Variants in DIAPH3 observed in about 807,000 individuals in gnomAD.
DIAPH3 encodes the protein diaphanous related formin 3, also known as protein diaphanous homolog 3.
A neutral mutation model predicts 144.3 loss-of-function variants in DIAPH3; 117 were observed. The ratio of observed to expected loss-of-function variants is 0.81; its 90% CI spans 0.70 to 0.95. The LOEUF (loss-of-function observed/expected upper bound fraction) is 0.95, where lower values mean the gene tolerates loss of function less well. DIAPH3 is among the 40% of genes least tolerant of loss of function. The pLI, the probability that DIAPH3 is intolerant of heterozygous loss-of-function variation, is 0.00. For missense variants in DIAPH3, 1,421 were observed against 1,412.7 expected (o/e 1.01, Z -0.09); for synonymous variants, 519 against 488.9 (o/e 1.06, Z -0.81).
intron 27 of DIAPH3, among the ~76,000 whole-genome samples, chr13:59,747,975 G>A (rs917942731): frequency 2.0e-5 from 3 of 152,154 alleles, no homozygotes; most frequent in Non-Finnish European, 4.4e-5. Context: ...GCCCAAATGA[G>A]GTTAGCTAGC....
At chr13:60,076,062 T>C (rs1432362153) in intron 4 of DIAPH3, among the ~76,000 whole-genome samples, 1 of 152,234 alleles carries the variant, frequency 6.6e-6, no homozygotes, top group South Asian at 2.1e-4. Flanking sequence ...AAGATCCACA[T>C]CTGACCAATG....
chr13:60,112,043 C>T lies in DIAPH3; in HGVS notation c.357G>A (p.Glu119=). ...MMENFPKPLS[E]NELLELFEKM... ...TTTCAAAAAGTTCTAAGAGTTCATT[C>T]TCTGACAGTGGCTTTGGAAAGTTCT... The change falls in exon 3 of 28, where the codon GAG becomes GAA. Residue 119 remains glutamate (E), a synonymous_variant. Transcript: ENST00000400324. 1 of 1,614,150 alleles carries T rather than the reference C, an allele frequency of 6.2e-7. No individual in the cohort carries two copies. The highest frequency in any genetic ancestry group is 1.1e-5 in the South Asian group (1 of 91,078).
At chr13:59,669,996 C>A (rs2032268438) in intron 27 of DIAPH3, among the ~76,000 whole-genome samples, 1 of 152,128 alleles carries the variant, frequency 6.6e-6, no homozygotes. Context: ...ATACCAGATC[C>A]AAGGATGAAA....
At chr13:59,778,382 C>T (rs1417490051) in intron 25 of DIAPH3, among the ~76,000 whole-genome samples, 1 of 152,218 alleles carries the variant, frequency 6.6e-6, no homozygotes, top group East Asian at 1.9e-4. Context: ...ATCTTCAACA[C>T]CTGGCAAAAT....
chr13:59,710,346 A>C (rs899103993), intron 27 of DIAPH3, among the ~76,000 whole-genome samples: 18 of 152,024 alleles, frequency 1.2e-4, no homozygotes, highest in African/African-American at 2.7e-4. Context: ...TTAAAAAAAA[A>C]CCCCAACAAC....
intron 2 of DIAPH3, among the ~76,000 whole-genome samples, chr13:60,128,331 T>G (rs1271125820): frequency 6.6e-6 from 1 of 152,214 alleles, no homozygotes; most frequent in African/African-American, 2.4e-5. Flanking sequence ...TTAGATTGAT[T>G]CCATGTCTTT....
chr13:60,083,804 T>C (rs1220660617), intron 4 of DIAPH3, among the ~76,000 whole-genome samples: 3 of 151,880 alleles, frequency 2.0e-5, no homozygotes, highest in Admixed American at 1.3e-4. Context: ...TCTGGAAAGC[T>C]GAGGTTGGAG....
chr13:60,008,403 TA>T, intron 9 of DIAPH3, 140 bp downstream of exon 9: 1 of 622,600 alleles, frequency 1.6e-6, no homozygotes, highest in Non-Finnish European at 2.8e-6. Context: ...CTCAAATAAA[TA>T]AATAAATAAA....
rs560846567 is a variant in DIAPH3 at position 59,726,579 on chromosome 13, T to G, written c.3319+47610A>C. Among the ~76,000 whole-genome samples the G allele has an allele frequency of 3.6e-3, 553 of 152,268 alleles. 2 individuals are homozygous for G. The highest frequency in any genetic ancestry group is 4.7e-3 in the Non-Finnish European group (317 of 68,018). On this transcript the variant is annotated intron_variant, in intron 27 of 27. Coordinates refer to ENST00000400324, the MANE Select transcript of DIAPH3 (RefSeq NM_001042517.2). ...AACCAACTCAAGAATCCCCCAATCC[T>G]TTACATATTTCTTCCATTTGTACTT...
At chr13:59,758,002 C>G (rs2037376790) in intron 27 of DIAPH3, among the ~76,000 whole-genome samples, 1 of 152,112 alleles carries the variant, frequency 6.6e-6, no homozygotes, top group Non-Finnish European at 1.5e-5. Flanking sequence ...AGGATACCCA[C>G]AAAAGCAAAT....
At chr13:60,149,579 T>C (rs1461840802) in intron 1 of DIAPH3, among the ~76,000 whole-genome samples, 2 of 151,962 alleles carry the variant, frequency 1.3e-5, no homozygotes, top group African/African-American at 4.8e-5. Context: ...GATGAGACCC[T>C]GTCTCTATAA....
intron 27 of DIAPH3, among the ~76,000 whole-genome samples, chr13:59,756,695 A>G (rs1566266577): frequency 6.6e-6 from 1 of 152,308 alleles, no homozygotes; most frequent in East Asian, 1.9e-4. Flanking sequence ...TCATTACCCA[A>G]AAACCTTGGG....
At chr13:59,996,174 G>C (rs2052178460) in intron 9 of DIAPH3, among the ~76,000 whole-genome samples, 1 of 152,052 alleles carries the variant, frequency 6.6e-6, no homozygotes, top group Admixed American at 6.6e-5. Context: ...CAAAGGGATA[G>C]AGTTACTGTT....
intron 20 of DIAPH3, among the ~76,000 whole-genome samples, chr13:59,885,081 T>C (rs1278063732): frequency 6.6e-6 from 1 of 152,152 alleles, no homozygotes; most frequent in African/African-American, 2.4e-5. Flanking sequence ...TTATAAATCC[T>C]TATCAATTCT....
intron 1 of DIAPH3, among the ~76,000 whole-genome samples, chr13:60,152,572 C>A: frequency 6.8e-6 from 1 of 148,056 alleles, no homozygotes; most frequent in African/African-American, 2.5e-5. Flanking sequence ...AAAAAAAAGC[C>A]CTGTAAACCC....
At chr13:59,875,569 T>C (rs1009410507) in intron 21 of DIAPH3, among the ~76,000 whole-genome samples, 28 of 152,138 alleles carry the variant, frequency 1.8e-4, no homozygotes, top group African/African-American at 6.5e-4. Flanking sequence ...TTGTTGTTTA[T>C]AACACTATTC....
chr13:60,024,614 T>C (rs918397053), intron 5 of DIAPH3, among the ~76,000 whole-genome samples: 1 of 152,224 alleles, frequency 6.6e-6, no homozygotes, highest in African/African-American at 2.4e-5. Context: ...GTGTCATCTA[T>C]TGTCTTTTTT....
In DIAPH3 at chr13:59,910,258, A is replaced by G. The variant is rs1388412444; in HGVS notation, c.2367+1477T>C. ...ATTCACCTATTCTCTTATGGAAGAC[A>G]TGGCAAATAGAGTATCAAATAGACA... On this transcript the variant is annotated intron_variant, in intron 20 of 27. Coordinates refer to ENST00000400324, the MANE Select transcript of DIAPH3 (RefSeq NM_001042517.2). Among the ~76,000 whole-genome samples, 3 of 152,176 alleles carry G rather than the reference A, an allele frequency of 2.0e-5. No individual in the cohort carries two copies. In the East Asian group the frequency reaches 5.8e-4, roughly 29 times the overall value.
At chr13:59,964,654 A>G (rs1396836788) in intron 17 of DIAPH3, among the ~76,000 whole-genome samples, 2 of 152,084 alleles carry the variant, frequency 1.3e-5, no homozygotes, top group African/African-American at 4.8e-5. Context: ...AAAGCTTTCA[A>G]AATAAATTTC....
Sources: allele counts gnomAD v4.1 joint callset (sites outside exome capture counted in the v4.1 genomes callset), GRCh38; gene constraint gnomAD v4.1.1; transcripts MANE v1.5; gene names NCBI Gene and HGNC (gene_info 2026-07-23, HGNC 2026-07-21).